Variants in STRN3 observed in about 807,000 individuals in gnomAD.
STRN3 encodes striatin 3, also known as striatin-3.
A neutral mutation model predicts 95.6 loss-of-function variants in STRN3; 29 were observed. The ratio of observed to expected loss-of-function variants is 0.30; its 90% confidence interval spans 0.23 to 0.41. STRN3 has a LOEUF of 0.41. STRN3 is among the 10% of genes least tolerant of loss of function. The probability of loss-of-function intolerance (pLI) is 1.00; values close to 1 mark genes in which losing one functional copy is unlikely to be tolerated. For synonymous variants in STRN3, 331 were observed against 357.6 expected (o/e 0.93, Z 0.84); for missense variants, 890 against 972.1 (o/e 0.92, Z 1.12).
intron 16 of STRN3, among the ~76,000 whole-genome samples, chr14:30,897,037 A>G (rs971437497): frequency 3.3e-5 from 5 of 152,210 alleles, no homozygotes; most frequent in African/African-American, 1.2e-4. Context: ...TACTTTTATA[A>G]GTTACTCTCC....
chr14:30,949,075 A>G (rs1879508212), intron 4 of STRN3, among the ~76,000 whole-genome samples: 1 of 152,204 alleles, frequency 6.6e-6, no homozygotes, highest in Non-Finnish European at 1.5e-5. Context: ...GATAGAGAGG[A>G]GCAGAAAATC....
At chr14:30,930,931 C>CA (rs1196255807) in intron 7 of STRN3, among the ~76,000 whole-genome samples, 4 of 151,146 alleles carry the variant, frequency 2.6e-5, no homozygotes, top group South Asian at 2.1e-4. Context: ...TCACAGAGAC[C>CA]AAAAAAACCC....
chr14:30,995,077 C>T (rs904233781), intron 1 of STRN3, among the ~76,000 whole-genome samples: 1 of 152,204 alleles, frequency 6.6e-6, no homozygotes, highest in African/African-American at 2.4e-5. Context: ...CTTGAAAATA[C>T]CGTGTTCATT....
chr14:30,906,510 T>C (rs1896464000), intron 14 of STRN3, among the ~76,000 whole-genome samples: 1 of 152,120 alleles, frequency 6.6e-6, no homozygotes, highest in Non-Finnish European at 1.5e-5. Context: ...CTCGAGGTAA[T>C]GGAACACAGG....
intron 5 of STRN3, among the ~76,000 whole-genome samples, chr14:30,941,309 T>C (rs988457032): frequency 2.6e-5 from 4 of 152,132 alleles, no homozygotes; most frequent in Admixed American, 1.3e-4. Context: ...CACTGACATA[T>C]CCCAATTTTC....
intron 9 of STRN3, among the ~76,000 whole-genome samples, chr14:30,918,136 TAAA>T (rs1896786596): frequency 6.6e-6 from 1 of 152,178 alleles, no homozygotes; most frequent in African/African-American, 2.4e-5. Context: ...GCTACCAAGT[TAAA>T]GAATAATGAT....
intron 4 of STRN3, among the ~76,000 whole-genome samples, chr14:30,948,171 G>GA (rs1879460635): frequency 6.6e-6 from 1 of 152,164 alleles, no homozygotes; most frequent in Admixed American, 6.5e-5. Context: ...TTCTAGCTTG[G>GA]ATGGTTACAT....
Position 30,955,625 on chromosome 14 carries a change from T to G in STRN3, c.455A>C (p.Glu152Ala), listed in dbSNP as rs184084729. 2.5e-6 allele frequency: 4 copies of G among 1,575,696 alleles called. No individual in the cohort carries two copies. Among genetic ancestry groups the G allele is most frequent in the East Asian group, 4.7e-5 (2 of 42,926 alleles). ...NQGDLKMPTF[E>A]SEETKDTEAP... ...AACAGAAGAAGCAAGTTTACCTGAC[T>G]CAAAGGTTGGCATTTTCAAGTCACC... The change falls in exon 3 of 18, where the codon GAG (glutamate) becomes GCG (alanine). Residue 152 changes from glutamate to alanine, a missense_variant. Physicochemically the swap from Glu to Ala is moderately radical, Grantham distance 107. Coordinates refer to ENST00000357479, the MANE Select transcript of STRN3 (RefSeq NM_001083893.2).
At chr14:30,968,516 C>T (rs564931340) in intron 1 of STRN3, among the ~76,000 whole-genome samples, 1 of 151,876 alleles carries the variant, frequency 6.6e-6, no homozygotes, top group African/African-American at 2.4e-5. Context: ...CCCGTCTCCA[C>T]TGAAAATACA....
At chr14:30,995,937 C>T (rs1882177404) in intron 1 of STRN3, among the ~76,000 whole-genome samples, 1 of 152,120 alleles carries the variant, frequency 6.6e-6, no homozygotes, top group African/African-American at 2.4e-5. Context: ...TTCAGTTGTC[C>T]TCCAAAGTGG....
intron 8 of STRN3, among the ~76,000 whole-genome samples, chr14:30,922,529 G>A (rs116235651): frequency 0.019 from 2,942 of 152,052 alleles, 90 homozygotes; most frequent in African/African-American, 0.067. Flanking sequence ...ATCTTCCTAC[G>A]CCCTATATAA....
At chr14:30,897,282 C>A (rs1038478518) in intron 16 of STRN3, among the ~76,000 whole-genome samples, 25 of 152,048 alleles carry the variant, frequency 1.6e-4, no homozygotes, top group Non-Finnish European at 3.1e-4. Context: ...CTCCAAAAAA[C>A]CTATAAAAAG....
At chr14:31,014,782 T>A (rs1401228075) in intron 1 of STRN3, 1 of 434,538 alleles carries the variant, frequency 2.3e-6, no homozygotes, top group Non-Finnish European at 4.6e-6. Flanking sequence ...AACCTTTTTT[T>A]CTTTTTCATT....
chr14:30,998,729 A>C (rs1007612471), intron 1 of STRN3, among the ~76,000 whole-genome samples: 4 of 150,178 alleles, frequency 2.7e-5, no homozygotes, highest in African/African-American at 9.9e-5. Flanking sequence ...GACAACAAAA[A>C]ATATAGACTT....
chr14:30,902,733 A>G (rs1896358815), intron 15 of STRN3, 90 bp from the exon 16 acceptor site: 2 of 846,794 alleles, frequency 2.4e-6, no homozygotes. Flanking sequence ...AAATATAAAA[A>G]TCATTAAAAA....
chr14:30,931,968 T>A (rs1323367340), intron 7 of STRN3: 1 of 152,224 alleles, frequency 6.6e-6, no homozygotes, highest in Non-Finnish European at 1.5e-5. Context: ...GCTCTTTTAC[T>A]CAATAATTTA....
At chr14:31,012,664 C>T (rs1264290952) in intron 1 of STRN3, among the ~76,000 whole-genome samples, 2 of 152,044 alleles carry the variant, frequency 1.3e-5, no homozygotes, top group African/African-American at 2.4e-5. Flanking sequence ...GAGACCGAGG[C>T]GGGTGGATCA....
intron 1 of STRN3, among the ~76,000 whole-genome samples, chr14:31,017,485 C>T (rs1883296217): frequency 6.8e-6 from 1 of 148,138 alleles, no homozygotes; most frequent in South Asian, 2.1e-4. Flanking sequence ...GGCGACGCAG[C>T]GAGACTCCGT....
intron 8 of STRN3, among the ~76,000 whole-genome samples, chr14:30,928,672 G>C (rs1227463682): frequency 6.6e-6 from 1 of 152,002 alleles, no homozygotes; most frequent in African/African-American, 2.4e-5. Context: ...TCCCACTTCT[G>C]GTTTCCTTCA....
Sources: allele counts gnomAD v4.1 joint callset (sites outside exome capture counted in the v4.1 genomes callset), GRCh38; gene constraint gnomAD v4.1.1; transcripts MANE v1.5; gene names NCBI Gene and HGNC (gene_info 2026-07-23, HGNC 2026-07-21).